ZNF385D: variants seen among roughly 807,000 people sequenced by gnomAD.
ZNF385D encodes zinc finger protein 659.
ZNF385D carries 15 observed loss-of-function variants against 35.8 expected under a neutral mutation model. The observed-to-expected ratio is 0.42, with a 90% CI of 0.28 to 0.64. The LOEUF (loss-of-function observed/expected upper bound fraction) is 0.64, where lower values mean the gene tolerates loss of function less well. Ranked by LOEUF, ZNF385D falls within the 30% of genes least tolerant of loss-of-function variation. The pLI is 0.23. For synonymous variants in ZNF385D, 212 were observed against 186.8 expected, an observed-to-expected ratio of 1.13 and a Z score of -1.10; for missense variants, 474 against 494.6, an observed-to-expected ratio of 0.96 and a Z score of 0.39.
chr3:21,882,501 C>T (rs1334664798), intron 3 of ZNF385D, among the ~76,000 whole-genome samples: 4 of 151,904 alleles, frequency 2.6e-5, no homozygotes, highest in Admixed American at 6.6e-5. Context: ...TTTATATGCA[C>T]TAGAAAACAA....
At chr3:22,136,031 G>A (rs1159425652) in intron 3 of ZNF385D, among the ~76,000 whole-genome samples, 5 of 152,136 alleles carry the variant, frequency 3.3e-5, no homozygotes, top group Non-Finnish European at 7.4e-5. Context: ...GAAAAAAGAA[G>A]AGAAAGTCTT....
intron 3 of ZNF385D, among the ~76,000 whole-genome samples, chr3:21,563,576 C>T (rs890427251): frequency 4.2e-4 from 64 of 152,310 alleles, no homozygotes; most frequent in Middle Eastern, 3.4e-3. Context: ...ATCTTGCATC[C>T]TATCTTCGTC....
At chr3:21,953,823 G>C (rs901974995) in intron 3 of ZNF385D, among the ~76,000 whole-genome samples, 2 of 152,078 alleles carry the variant, frequency 1.3e-5, no homozygotes, top group South Asian at 2.1e-4. Flanking sequence ...AGAAAAATTA[G>C]AGTAAGTGAT....
At position 21,945,654 on chromosome 3, in the gene ZNF385D, C is replaced by T. The variant is rs1701745005; in HGVS notation, c.325+223163G>A. ...TTATCTTCAAAAACTTATTTCGTTG[C>T]TTTTATTGTGTGTCTGGCTCAGTGA... is the stretch of plus-strand genomic sequence containing the variant. On this transcript the variant is annotated intron_variant, in intron 3 of 5. Transcript: ENST00000494108. Among the ~76,000 whole-genome samples the T allele has an allele frequency of 2.6e-5, 4 of 152,054 alleles. No individual in the cohort carries two copies. The South Asian group carries it at 8.3e-4, about 32-fold the overall frequency.
Position 21,425,643 on chromosome 3 carries a change from G to T in ZNF385D, c.701C>A (p.Ala234Asp). 6.3e-7 allele frequency: 1 copy of T among 1,594,622 alleles called. No individual in the cohort carries two copies. The highest frequency in any genetic ancestry group is 1.7e-5 in the Admixed American group (1 of 57,950). ...TTTGATAGTGCCACTTCCATTCCGG[G>T]CTTCTAACATGGTTTTGTGCTTAGT... ...SGTKHKTMLE[A>D]RNGSGTIKAF... is the part of the protein sequence containing the mutation. Residue 234 changes from alanine (A) to aspartate (D), a missense_variant, in exon 6 of 8, where the codon GCC becomes GAC. Transcript: ENST00000281523.
chr3:22,282,433 C>T (rs918110251), intron 2 of ZNF385D, among the ~76,000 whole-genome samples: 11 of 152,026 alleles, frequency 7.2e-5, no homozygotes, highest in Non-Finnish European at 1.3e-4. Flanking sequence ...GGTTGTGTCA[C>T]TATTATCATT....
chr3:22,085,533 T>C (rs991791699), intron 3 of ZNF385D, among the ~76,000 whole-genome samples: 2 of 152,124 alleles, frequency 1.3e-5, no homozygotes, highest in African/African-American at 4.8e-5. Flanking sequence ...CAGGAAGAAG[T>C]TGAATCCCTG....
chr3:22,370,387 A>T (rs1696847949), intron 2 of ZNF385D, among the ~76,000 whole-genome samples: 1 of 152,220 alleles, frequency 6.6e-6, no homozygotes, highest in Non-Finnish European at 1.5e-5. Context: ...ATGAACACTA[A>T]GATCTCAGTG....
At chr3:21,798,854 A>T (rs940488109) in intron 3 of ZNF385D, among the ~76,000 whole-genome samples, 3 of 152,192 alleles carry the variant, frequency 2.0e-5, no homozygotes, top group African/African-American at 7.2e-5. Flanking sequence ...ACAATTCAGT[A>T]GCATTTACTA....
chr3:21,549,498 C>G (rs1190473018), intron 3 of ZNF385D, among the ~76,000 whole-genome samples: 1 of 152,158 alleles, frequency 6.6e-6, no homozygotes, highest in Non-Finnish European at 1.5e-5. Context: ...TAAAATGTGT[C>G]CCAAATGCCA....
chr3:21,434,447 G>C (rs1701452101), intron 5 of ZNF385D, among the ~76,000 whole-genome samples: 1 of 152,048 alleles, frequency 6.6e-6, no homozygotes, highest in African/African-American at 2.4e-5. Flanking sequence ...TCTTTATTTT[G>C]TTCCCTGGAT....
At chr3:21,864,282 G>A (rs1167935025) in intron 3 of ZNF385D, among the ~76,000 whole-genome samples, 1 of 152,080 alleles carries the variant, frequency 6.6e-6, no homozygotes, top group East Asian at 1.9e-4. Flanking sequence ...AGCTTAACCA[G>A]GTAAGCAACC....
Position 22,076,831 on chromosome 3 carries a change from T to G in ZNF385D, c.325+91986A>C, listed in dbSNP as rs571954993. Among the ~76,000 whole-genome samples the G allele has an allele frequency of 4.6e-5, 7 of 152,114 alleles. No homozygotes were observed. In the South Asian group the frequency reaches 1.4e-3, roughly 31 times the overall value. ...TTGAAGTTCAAGATCATATTCTCCA[T>G]AGATCTGATTAGGAAATTATCCATT... On this transcript the variant is annotated intron_variant, in intron 3 of 5. Coordinates refer to the ZNF385D transcript ENST00000494108.
chr3:21,508,969 C>CTTTTT (rs200174782), intron 4 of ZNF385D, among the ~76,000 whole-genome samples: 2 of 142,394 alleles, frequency 1.4e-5, no homozygotes, highest in Non-Finnish European at 1.5e-5. Context: ...CACCTGGGGG[C>CTTTTT]TTTTTTTTTT....
intron 3 of ZNF385D, among the ~76,000 whole-genome samples, chr3:21,826,754 C>A (rs913947899): frequency 1.3e-5 from 2 of 150,558 alleles, no homozygotes; most frequent in Non-Finnish European, 2.9e-5. Context: ...AGAAGGAAAG[C>A]TAGAGAATTC....
chr3:22,142,199 C>T (rs1430836622), intron 3 of ZNF385D, among the ~76,000 whole-genome samples: 1 of 152,048 alleles, frequency 6.6e-6, no homozygotes, highest in African/African-American at 2.4e-5. Context: ...GTTATATTTT[C>T]TTCAGTATGT....
intron 1 of ZNF385D, among the ~76,000 whole-genome samples, chr3:21,728,794 C>T (rs944657951): frequency 6.6e-6 from 1 of 152,188 alleles, no homozygotes; most frequent in African/African-American, 2.4e-5. Context: ...CAAGCCGGCT[C>T]ACCCCTACAC....
At chr3:22,100,841 AAAT>A (rs748470388) in intron 3 of ZNF385D, among the ~76,000 whole-genome samples, 41 of 152,010 alleles carry the variant, frequency 2.7e-4, no homozygotes, top group South Asian at 4.2e-4. Context: ...AATAATATTA[AAAT>A]AAAAAAAAGA....
intron 2 of ZNF385D, among the ~76,000 whole-genome samples, chr3:21,623,205 G>A (rs1021751072): frequency 1.2e-4 from 19 of 152,110 alleles, no homozygotes; most frequent in African/African-American, 4.3e-4. Context: ...AGATAATGTA[G>A]TTCAAGCACT....
Sources: allele counts gnomAD v4.1 joint callset (sites outside exome capture counted in the v4.1 genomes callset), GRCh38; gene constraint gnomAD v4.1.1; transcripts MANE v1.5; gene names NCBI Gene and HGNC (gene_info 2026-07-23, HGNC 2026-07-21).